Variants in RIMS2 observed in about 807,000 individuals in gnomAD.
RIMS2 encodes the protein regulating synaptic membrane exocytosis protein 2.
RIMS2 carries 59 observed loss-of-function variants against 174.4 expected under a neutral mutation model. That is an observed-to-expected ratio of 0.34 (90% CI 0.27 to 0.42). The LOEUF is 0.42. Ranked by LOEUF, RIMS2 falls within the 10% of genes least tolerant of loss-of-function variation. The pLI, the probability that RIMS2 is intolerant of heterozygous loss-of-function variation, is 1.00. For missense variants in RIMS2, 1,620 were observed against 1,666.3 expected, an observed-to-expected ratio of 0.97 and a Z score of 0.48; for synonymous variants, 606 against 572.5, an observed-to-expected ratio of 1.06 and a Z score of -0.84.
intron 2 of RIMS2, among the ~76,000 whole-genome samples, chr8:103,740,757 T>A (rs2097754176): frequency 6.6e-6 from 1 of 152,178 alleles, no homozygotes. Context: ...TGTTACAGCC[T>A]CTTTAAAAAT....
At chr8:103,702,888 T>C (rs2097182572) in intron 2 of RIMS2, among the ~76,000 whole-genome samples, 1 of 146,086 alleles carries the variant, frequency 6.8e-6, no homozygotes, top group Non-Finnish European at 1.5e-5. Flanking sequence ...TGGCTAAGAA[T>C]TGCTTTGGCT....
At chr8:103,806,339 C>T (rs1007300999) in intron 3 of RIMS2, among the ~76,000 whole-genome samples, 2 of 152,012 alleles carry the variant, frequency 1.3e-5, no homozygotes, top group African/African-American at 2.4e-5. Flanking sequence ...ATTCCAAGGA[C>T]CCTTAGAAAC....
At chr8:104,212,762 C>T (rs1452730948) in intron 19 of RIMS2, among the ~76,000 whole-genome samples, 1 of 152,134 alleles carries the variant, frequency 6.6e-6, no homozygotes, top group Non-Finnish European at 1.5e-5. Flanking sequence ...TAATTTAGTG[C>T]TATTATAACT....
At chr8:103,750,209 A>G (rs2097868249) in intron 2 of RIMS2, among the ~76,000 whole-genome samples, 1 of 152,144 alleles carries the variant, frequency 6.6e-6, no homozygotes, top group South Asian at 2.1e-4. Context: ...TTAAAAATAT[A>G]GTAACTTTAG....
chr8:103,766,470 A>G (rs758573306), exon 3 of RIMS2: 18 of 1,613,972 alleles, frequency 1.1e-5, no homozygotes, highest in Non-Finnish European at 1.4e-5. Flanking sequence ...TGGGCTCACA[A>G]GACAGCATTC....
intron 19 of RIMS2, among the ~76,000 whole-genome samples, chr8:104,125,897 A>T (rs1411479385): frequency 6.6e-6 from 1 of 152,204 alleles, no homozygotes; most frequent in East Asian, 1.9e-4. Context: ...TGATGAATAA[A>T]TGAATAGCTG....
intron 19 of RIMS2, among the ~76,000 whole-genome samples, chr8:104,071,103 G>T (rs2097188015): frequency 6.6e-6 from 1 of 152,162 alleles, no homozygotes; most frequent in African/African-American, 2.4e-5. Flanking sequence ...AATGATTCTT[G>T]TTATAGAAAC....
chr8:104,007,567 A>G (rs1030906078), intron 17 of RIMS2, among the ~76,000 whole-genome samples: 1 of 152,094 alleles, frequency 6.6e-6, no homozygotes, highest in Non-Finnish European at 1.5e-5. Context: ...CTGTTCATGC[A>G]TGCTGTTCAT....
At chr8:103,521,849 A>C (rs550077252) in intron 1 of RIMS2, among the ~76,000 whole-genome samples, 1 of 152,024 alleles carries the variant, frequency 6.6e-6, no homozygotes, top group South Asian at 2.1e-4. Flanking sequence ...TTCTTAAAAA[A>C]AAAAAACAAA....
At chr8:103,933,483 C>A (rs558343358) in intron 12 of RIMS2, among the ~76,000 whole-genome samples, 23 of 152,128 alleles carry the variant, frequency 1.5e-4, no homozygotes, top group Non-Finnish European at 3.1e-4. Flanking sequence ...AGCAAGAATC[C>A]ATCTCAAATA....
chr8:103,982,680 G>A (rs758119711), intron 16 of RIMS2, among the ~76,000 whole-genome samples: 3 of 152,026 alleles, frequency 2.0e-5, no homozygotes, highest in African/African-American at 4.8e-5. Flanking sequence ...TTCTGAAAAA[G>A]CATTTGATAA....
rs371323605 is a variant in RIMS2, at chr8:104,086,243, A to T, written c.3334+71628A>T. Among the ~76,000 whole-genome samples the T allele has an allele frequency of 2.6e-4, 36 of 139,154 alleles. No individual in the cohort carries two copies. The East Asian group carries it at 6.9e-3, about 27-fold the overall frequency. The allele number at this position is 139,154 out of a possible 152,430, so 91.3% of individuals were successfully genotyped here. ...CCACTGACTGGTAAATTAGGATGTT[A>T]TTGGGGAATTTTGTTCTGGTGGGTT... On this transcript the variant is annotated intron_variant, in intron 19 of 23. Coordinates refer to ENST00000504942, the Ensembl canonical transcript of RIMS2.
intron 1 of RIMS2, among the ~76,000 whole-genome samples, chr8:103,582,049 G>A (rs1490980415): frequency 2.0e-5 from 3 of 152,196 alleles, no homozygotes; most frequent in East Asian, 3.8e-4. Context: ...GGAGAGGAGA[G>A]GGAAGAGTGG....
rs562300170 is a variant in RIMS2 at position 103,792,277 on chromosome 8, C to T, written c.698+25740C>T. Among the ~76,000 whole-genome samples, 16 of 152,298 alleles carry T rather than the reference C, an allele frequency of 1.1e-4. No individual in the cohort carries two copies. The East Asian group carries it at 2.9e-3, about 27-fold the overall frequency. On this transcript the variant is annotated intron_variant, in intron 3 of 23. Transcript: ENST00000504942. The stretch of plus-strand genomic sequence containing the variant: ...TCAGGATTAAGAAACTCACTCAAAA[C>T]CTCTCACCTACATGGAAACTGAACA...
At chr8:103,974,153 CCTT>C (rs1183551071) in intron 15 of RIMS2, among the ~76,000 whole-genome samples, 5 of 152,170 alleles carry the variant, frequency 3.3e-5, no homozygotes, top group African/African-American at 1.2e-4. Context: ...CTGCTCTTCT[CCTT>C]CTTCCTGAGG....
intron 1 of RIMS2, among the ~76,000 whole-genome samples, chr8:103,626,413 G>T (rs538758881): frequency 6.6e-6 from 1 of 152,192 alleles, no homozygotes; most frequent in South Asian, 2.1e-4. Context: ...AAAGAAAAAT[G>T]TAATAATAAT....
At chr8:103,622,413 CAT>C (rs749941932) in intron 1 of RIMS2, among the ~76,000 whole-genome samples, 5 of 151,958 alleles carry the variant, frequency 3.3e-5, no homozygotes, top group Non-Finnish European at 5.9e-5. Flanking sequence ...ACACAAAACA[CAT>C]AAAAATGTTA....
At chr8:103,825,201 T>C (rs932247725) in intron 3 of RIMS2, among the ~76,000 whole-genome samples, 1 of 152,124 alleles carries the variant, frequency 6.6e-6, no homozygotes, top group East Asian at 1.9e-4. Flanking sequence ...TTGCTTGTTC[T>C]AAAACTTCAC....
intron 3 of RIMS2, among the ~76,000 whole-genome samples, chr8:103,849,480 G>A (rs951920109): frequency 2.6e-5 from 4 of 152,032 alleles, no homozygotes; most frequent in Non-Finnish European, 5.9e-5. Flanking sequence ...GCTAATCCTC[G>A]CTGTGTGTTT....
Sources: allele counts gnomAD v4.1 joint callset (sites outside exome capture counted in the v4.1 genomes callset), GRCh38; gene constraint gnomAD v4.1.1; transcripts MANE v1.5; gene names NCBI Gene and HGNC (gene_info 2026-07-23, HGNC 2026-07-21).